The following KHDRBS3 variants were observed in gnomAD, a reference collection of about 807,000 sequenced individuals.
KHDRBS3 encodes KH RNA binding domain containing, signal transduction associated 3.
KHDRBS3 carries 23 observed loss-of-function variants against 45.6 expected under a neutral mutation model. That is an observed-to-expected ratio of 0.50 (90% CI 0.36 to 0.72). The LOEUF is 0.72. KHDRBS3 is among the 30% of genes least tolerant of loss of function. The pLI, the probability that KHDRBS3 is intolerant of heterozygous loss-of-function variation, is 0.00. For synonymous variants in KHDRBS3, 162 were observed against 156.5 expected (o/e 1.04, Z -0.26); for missense variants, 352 against 424.8 (o/e 0.83, Z 1.51).
At chr8:135,526,635 G>A (rs1352225341) in intron 2 of KHDRBS3, among the ~76,000 whole-genome samples, 2 of 152,138 alleles carry the variant, frequency 1.3e-5, no homozygotes, top group Non-Finnish European at 2.9e-5. Context: ...GTGTAGTGTG[G>A]AATTAATGCT....
At chr8:135,645,532 A>G (rs527724992) in intron 8 of KHDRBS3, among the ~76,000 whole-genome samples, 3 of 152,084 alleles carry the variant, frequency 2.0e-5, no homozygotes, top group Non-Finnish European at 2.9e-5. Flanking sequence ...TTCATTTCCA[A>G]TCTCAAACCC....
chr8:135,558,180 A>G (rs2130834851), intron 5 of KHDRBS3, among the ~76,000 whole-genome samples: 1 of 152,266 alleles, frequency 6.6e-6, no homozygotes, highest in Admixed American at 6.5e-5. Context: ...AATTTTATTC[A>G]CTGTAAAAGC....
intron 6 of KHDRBS3, among the ~76,000 whole-genome samples, chr8:135,601,583 C>T (rs1829217169): frequency 6.6e-6 from 1 of 152,130 alleles, no homozygotes; most frequent in Admixed American, 6.5e-5. Context: ...GGGCTTGTCA[C>T]AATGGGGTCC....
At chr8:135,509,239 A>G (rs1248785704) in intron 1 of KHDRBS3, among the ~76,000 whole-genome samples, 2 of 152,138 alleles carry the variant, frequency 1.3e-5, no homozygotes, top group East Asian at 3.8e-4. Flanking sequence ...TGTTTCTTGG[A>G]AGGTTTTATT....
chr8:135,562,597 T>C (rs1586726310), intron 5 of KHDRBS3, among the ~76,000 whole-genome samples: 1 of 152,174 alleles, frequency 6.6e-6, no homozygotes, highest in Admixed American at 6.5e-5. Context: ...CCAACTAATA[T>C]AGTCCACAGA....
At chr8:135,503,344 A>C (rs1293384585) in intron 1 of KHDRBS3, among the ~76,000 whole-genome samples, 1 of 152,218 alleles carries the variant, frequency 6.6e-6, no homozygotes, top group African/African-American at 2.4e-5. Context: ...GAGGGAAGCC[A>C]ACATATTTTT....
At chr8:135,602,429 A>G (rs918567582) in intron 6 of KHDRBS3, among the ~76,000 whole-genome samples, 4 of 152,374 alleles carry the variant, frequency 2.6e-5, no homozygotes, top group African/African-American at 9.6e-5. Flanking sequence ...AATCTTCAGT[A>G]TAAAAATATC....
At chr8:135,540,623 G>C (rs562640892) in intron 2 of KHDRBS3, 1 of 152,238 alleles carries the variant, frequency 6.6e-6, no homozygotes, top group African/African-American at 2.4e-5. Context: ...AAATAAAAGT[G>C]TGCGTGCTTA....
chr8:135,578,600 C>T (rs931104374), intron 5 of KHDRBS3, among the ~76,000 whole-genome samples: 3 of 152,110 alleles, frequency 2.0e-5, no homozygotes, highest in Non-Finnish European at 2.9e-5. Flanking sequence ...TTCGCAAATA[C>T]CGCGCTGTCT....
chr8:135,593,990 C>T (rs553617347), intron 6 of KHDRBS3, among the ~76,000 whole-genome samples: 10 of 152,118 alleles, frequency 6.6e-5, no homozygotes, highest in African/African-American at 2.2e-4. Context: ...TGCGCAGACT[C>T]GATGTGATAT....
rs1157204953 is a variant in KHDRBS3, at chr8:135,526,311, T to C, written c.207+4956T>C. 2.6e-5 allele frequency among the ~76,000 whole-genome samples: 4 copies of C among 151,818 alleles called. No individual in the cohort carries two copies. In the East Asian group the frequency reaches 7.7e-4, roughly 29 times the overall value. On this transcript the variant is annotated intron_variant, in intron 2 of 8. Coordinates refer to ENST00000355849, the MANE Select transcript of KHDRBS3 (RefSeq NM_006558.3). ...TGAGGTAAGGGAAGAAAAATTATAA[T>C]ATTTAAATTATAATTTAAAATTTAA...
intron 5 of KHDRBS3, among the ~76,000 whole-genome samples, chr8:135,577,216 G>C (rs556213372): frequency 6.6e-6 from 1 of 151,330 alleles, no homozygotes; most frequent in East Asian, 2.0e-4. Context: ...TAAAATGTTT[G>C]TTCACATTCA....
intron 5 of KHDRBS3, among the ~76,000 whole-genome samples, chr8:135,580,600 TCTCTC>T (rs1480375951): frequency 1.7e-5 from 2 of 118,718 alleles, no homozygotes; most frequent in Non-Finnish European, 3.4e-5. Flanking sequence ...CCTCTCTCTC[TCTCTC>T]TTTTTTTTTT....
intron 5 of KHDRBS3, among the ~76,000 whole-genome samples, chr8:135,563,184 T>TA (rs1827246912): frequency 6.6e-6 from 1 of 152,186 alleles, no homozygotes; most frequent in Non-Finnish European, 1.5e-5. Flanking sequence ...CATATGCACT[T>TA]ACATAATCCA....
At chr8:135,536,078 T>C (rs1219611533) in intron 2 of KHDRBS3, among the ~76,000 whole-genome samples, 3 of 152,060 alleles carry the variant, frequency 2.0e-5, no homozygotes, top group Non-Finnish European at 2.9e-5. Context: ...ACTTTTCTAA[T>C]TGGGTGGTTT....
chr8:135,574,142 T>TGTGTTAGCACGTCACCTCCATC (rs1261641914), intron 5 of KHDRBS3, among the ~76,000 whole-genome samples: 1 of 76,410 alleles, frequency 1.3e-5, no homozygotes, highest in Non-Finnish European at 3.0e-5. Flanking sequence ...ACAGGATTCT[T>TGTGTTAGCACGTCACCTCCATC]GTGTTAGCAC....
intron 4 of KHDRBS3, chr8:135,549,394 C>T (rs1267942510): frequency 6.6e-6 from 1 of 152,202 alleles, no homozygotes; most frequent in Non-Finnish European, 1.5e-5. Flanking sequence ...ATATAACAGA[C>T]ATAACCATAA....
intron 7 of KHDRBS3, among the ~76,000 whole-genome samples, chr8:135,608,211 G>A (rs1239164063): frequency 6.6e-6 from 1 of 152,166 alleles, no homozygotes; most frequent in African/African-American, 2.4e-5. Context: ...GCCAGAAATT[G>A]CACAGAAAGT....
chr8:135,468,942 T>C (rs1821838006), intron 1 of KHDRBS3, among the ~76,000 whole-genome samples: 1 of 152,234 alleles, frequency 6.6e-6, no homozygotes, highest in East Asian at 1.9e-4. Flanking sequence ...AAAATGATTT[T>C]ATAAACTCGT....
Sources: gnomAD v4.1 joint callset for allele counts (sites outside exome capture counted in the v4.1 genomes callset) on GRCh38, gnomAD v4.1.1 for gene constraint, MANE v1.5 for transcripts, NCBI Gene and HGNC (gene_info 2026-07-23, HGNC 2026-07-21) for gene names.